FAT3: variants seen among roughly 807,000 people sequenced by gnomAD.
The protein encoded by FAT3 is FAT atypical cadherin 3, also known as protocadherin Fat 3.
FAT3 carries 95 observed loss-of-function variants against 310.2 expected under a neutral mutation model. The observed-to-expected ratio is 0.31, with a 90% CI of 0.26 to 0.36. FAT3 has a LOEUF of 0.36. FAT3 is among the 10% of genes least tolerant of loss of function. The pLI is 1.00. For synonymous variants in FAT3, 2,314 were observed against 2,192.9 expected, an observed-to-expected ratio of 1.06 and a Z score of -1.54; for missense variants, 5,408 against 5,715.6, an observed-to-expected ratio of 0.95 and a Z score of 1.74.
At chr11:92,248,221 T>C (rs896753111) in intron 1 of FAT3, among the ~76,000 whole-genome samples, 1 of 149,756 alleles carries the variant, frequency 6.7e-6, no homozygotes. Flanking sequence ...TTGAAGACTA[T>C]TTTTTGCAGG....
intron 2 of FAT3, among the ~76,000 whole-genome samples, chr11:92,358,613 C>A (rs189748942): frequency 6.6e-6 from 1 of 152,248 alleles, no homozygotes; most frequent in East Asian, 1.9e-4. Context: ...TTCTTTCTCT[C>A]CTCTCAGCAC....
intron 2 of FAT3, among the ~76,000 whole-genome samples, chr11:92,430,998 T>C (rs1320837352): frequency 5.3e-5 from 8 of 152,216 alleles, no homozygotes; most frequent in Non-Finnish European, 1.2e-4. Flanking sequence ...TATAGCAGCA[T>C]GATTTATAAT....
chr11:92,615,539 G>T (rs935923090), intron 3 of FAT3, among the ~76,000 whole-genome samples: 1 of 152,062 alleles, frequency 6.6e-6, no homozygotes, highest in Non-Finnish European at 1.5e-5. Flanking sequence ...AAGCCACCGC[G>T]CCTGACCTAG....
At chr11:92,753,540 G>T (rs912612567) in intron 4 of FAT3, among the ~76,000 whole-genome samples, 1 of 152,056 alleles carries the variant, frequency 6.6e-6, no homozygotes, top group Non-Finnish European at 1.5e-5. Context: ...TTAGATTTCG[G>T]TTTAATGTTA....
intron 19 of FAT3, among the ~76,000 whole-genome samples, chr11:92,849,311 C>G (rs1329405538): frequency 1.3e-5 from 2 of 152,186 alleles, no homozygotes; most frequent in Non-Finnish European, 2.9e-5. Flanking sequence ...AGCAGACATC[C>G]TATTTTCTAT....
Position 92,880,823 on chromosome 11 carries a change from T to A in FAT3, c.12220T>A (p.Ser4074Thr), listed in dbSNP as rs1461159573. 1 of 1,613,936 alleles carries A rather than the reference T, an allele frequency of 6.2e-7. No individual in the cohort carries two copies. The highest frequency in any genetic ancestry group is 8.5e-7 in the Non-Finnish European group (1 of 1,179,868). Residue 4074 changes from serine (S) to threonine (T), a missense_variant, in exon 23 of 28, where the codon TCC (serine) becomes ACC (threonine). By Grantham distance (58) the Ser-to-Thr change is moderately conservative. This residue lies in a region of FAT3 where 649 missense variants were observed against 666.2 expected (regional missense o/e 0.97). Transcript: ENST00000525166. ...CCCAAACCCCTGCCGGAATGGAGGA[T>A]CCTGCGATCCAATAGGAAACACTTT... ...CFPNPCRNGG[S>T]CDPIGNTFIC...
In FAT3 at chr11:92,706,856, T is replaced by G. The variant is rs555500452; in HGVS notation, c.3669+9411T>G. ...AAGAGACTCTGTTGACATTGGAAAT[T>G]ACCACATATGAAGACTTGGTTGGGA... On this transcript the variant is annotated intron_variant, in intron 4 of 27. Transcript: ENST00000525166. 7.2e-5 allele frequency among the ~76,000 whole-genome samples: 11 copies of G among 152,308 alleles called. No homozygotes were observed. In the South Asian group the frequency reaches 1.7e-3, roughly 23 times the overall value.
Position 92,876,295 on chromosome 11 carries a change from A to G in FAT3, c.12128-4436A>G, listed in dbSNP as rs532457985. On this transcript the variant is annotated intron_variant, in intron 22 of 27. Coordinates refer to ENST00000525166, the MANE Select transcript of FAT3 (RefSeq NM_001367949.2). Reference sequence around the variant, plus strand: ...ACTGTTTGTCTAAAGACATGCCATCATAGCCAACAACTAGCCAGGTGACAC... The same window carrying G: ...ACTGTTTGTCTAAAGACATGCCATCGTAGCCAACAACTAGCCAGGTGACAC... 1.4e-4 allele frequency among the ~76,000 whole-genome samples: 22 copies of G among 152,374 alleles called. No individual in the cohort carries two copies. The South Asian group carries it at 4.6e-3, about 32-fold the overall frequency.
In FAT3 at chr11:92,248,377, A is replaced by C. The variant is rs979259275; in HGVS notation, c.-18+23203A>C. ...TCATACAGATGGCATTACCCTCTGC[A>C]TACTTTTCCTCCAGTTTGGAATTGC... On this transcript the variant is annotated intron_variant, in intron 1 of 27. Coordinates refer to ENST00000525166, the MANE Select transcript of FAT3 (RefSeq NM_001367949.2). 1.3e-5 allele frequency among the ~76,000 whole-genome samples: 2 copies of C among 152,256 alleles called. 1 individual carries two copies. Among genetic ancestry groups the C allele is most frequent in the South Asian group, 4.1e-4 (2 of 4,824 alleles).
At position 92,801,728 on chromosome 11, in the gene FAT3, C is replaced by T; in HGVS notation, c.8715C>T (p.Ser2905=). ...ACCTTGGAGAGGCATTCTCTCTTTC[C>T]TCCACGGCCTTGGTCTCTGTCAGAG... is the stretch of plus-strand genomic sequence containing the variant. ...ASDLGEAFSL[S]STALVSVRVT... Residue 2905 remains serine, a synonymous_variant, in exon 10 of 28, where the codon TCC becomes TCT. Coordinates refer to ENST00000525166, the MANE Select transcript of FAT3 (RefSeq NM_001367949.2). The T allele has an allele frequency of 1.2e-6, 2 of 1,613,946 alleles. No homozygotes were observed. Among genetic ancestry groups the T allele is most frequent in the South Asian group, 1.1e-5 (1 of 91,072 alleles).
chr11:92,534,291 AC>A (rs566744771), intron 3 of FAT3, among the ~76,000 whole-genome samples: 206 of 152,260 alleles, frequency 1.4e-3, no homozygotes, highest in Middle Eastern at 0.01. Flanking sequence ...GGGGAGGGGA[AC>A]AAAACTCTGG....
chr11:92,307,235 A>T (rs772773143), intron 1 of FAT3, among the ~76,000 whole-genome samples: 1 of 147,072 alleles, frequency 6.8e-6, no homozygotes, highest in Admixed American at 7.1e-5. Flanking sequence ...GCAGTTCCAT[A>T]CAAGATAACA....
intron 22 of FAT3, among the ~76,000 whole-genome samples, chr11:92,871,675 T>C (rs1300965438): frequency 6.6e-6 from 1 of 152,212 alleles, no homozygotes; most frequent in East Asian, 1.9e-4. Context: ...GGTCACTGAA[T>C]CATATTTGCA....
At chr11:92,553,605 A>G (rs1954894067) in intron 3 of FAT3, among the ~76,000 whole-genome samples, 1 of 152,172 alleles carries the variant, frequency 6.6e-6, no homozygotes. Flanking sequence ...CCTTGGCCAC[A>G]CTGGGAGCAG....
chr11:92,435,222 C>T (rs1950898190), intron 2 of FAT3, among the ~76,000 whole-genome samples: 1 of 152,160 alleles, frequency 6.6e-6, no homozygotes, highest in South Asian at 2.1e-4. Flanking sequence ...AATGGATCTC[C>T]TGATTCCCTA....
chr11:92,859,930 G>A (rs1267767674), intron 21 of FAT3, among the ~76,000 whole-genome samples: 1 of 152,166 alleles, frequency 6.6e-6, no homozygotes, highest in Admixed American at 6.5e-5. Context: ...GCCAGGTGTG[G>A]TGGCTCACAC....
At chr11:92,509,480 T>G (rs1953219685) in intron 2 of FAT3, among the ~76,000 whole-genome samples, 1 of 152,184 alleles carries the variant, frequency 6.6e-6, no homozygotes, top group South Asian at 2.1e-4. Context: ...CTTCATTAAG[T>G]AAATGGTAAA....
rs1474695691 is a variant in FAT3, at chr11:92,373,756, GTATGCACACACACACACACA to G, written c.3292+18353_3292+18372del. On this transcript the variant is annotated intron_variant, in intron 2 of 27. Coordinates refer to ENST00000525166, the MANE Select transcript of FAT3 (RefSeq NM_001367949.2). ...AGAGAGACAGAACCAGTGGAGATAT[GTATGCACACACACACACACA>G]CACACACACACACACACACACACAC... 1.3e-3 allele frequency among the ~76,000 whole-genome samples: 170 copies of G among 131,712 alleles called. 1 individual carries two copies. In the Middle Eastern group the frequency reaches 0.025, roughly 20 times the overall value. The allele number at this position is 131,712 out of a possible 152,430, so 86.4% of individuals were successfully genotyped here.
rs972585269 is a variant in FAT3 at position 92,762,131 on chromosome 11, T to C, written c.3945T>C (p.Ser1315=). The C allele has an allele frequency of 6.2e-7, 1 of 1,613,694 alleles. No individual in the cohort carries two copies. The highest frequency in any genetic ancestry group is 1.1e-5 in the South Asian group (1 of 91,074). The change falls in exon 5 of 28, where the codon TCT becomes TCC. Residue 1315 remains serine (S), a synonymous_variant. Transcript: ENST00000525166. ...ACCCTAAAACTGGGATGGTTTCTTC[T>C]AGAAAGCAGTTTACAGCAGGCAGTT... ...FIDPKTGMVS[S]RKQFTAGSYD... is the part of the protein sequence containing the mutation.
Sources: allele counts gnomAD v4.1 joint callset (sites outside exome capture counted in the v4.1 genomes callset), GRCh38; gene constraint gnomAD v4.1.1; regional missense constraint gnomAD v4.1.1; transcripts MANE v1.5; gene names NCBI Gene and HGNC (gene_info 2026-07-23, HGNC 2026-07-21).